Variants in LPP observed in about 807,000 individuals in gnomAD.
The protein encoded by LPP is LIM domain containing preferred translocation partner in lipoma.
LPP carries 38 observed loss-of-function variants against 60.4 expected under a neutral mutation model. That is an observed-to-expected ratio of 0.63 (90% CI 0.49 to 0.83). LPP has a LOEUF of 0.83. LPP is among the 40% of genes least tolerant of loss of function. LPP has a pLI of 0.00. For synonymous variants in LPP, 328 were observed against 290.8 expected, an observed-to-expected ratio of 1.13 and a Z score of -1.30; for missense variants, 902 against 783.6, an observed-to-expected ratio of 1.15 and a Z score of -1.80.
At chr3:188,250,712 T>TTCTTTCTTTCTC (rs1283248794) in intron 2 of LPP, among the ~76,000 whole-genome samples, 3 of 146,992 alleles carry the variant, frequency 2.0e-5, no homozygotes, top group African/African-American at 7.7e-5. Context: ...CCTCTTTCTT[T>TTCTTTCTTTCTC]TCTTTCTTTC....
intron 1 of LPP, among the ~76,000 whole-genome samples, chr3:188,190,311 G>A (rs1447862621): frequency 6.6e-6 from 1 of 151,986 alleles, no homozygotes; most frequent in Non-Finnish European, 1.5e-5. Flanking sequence ...CGCCCGCCTC[G>A]GCCTCCCAAA....
intron 3 of LPP, among the ~76,000 whole-genome samples, chr3:188,376,774 C>T (rs1243680173): frequency 2.6e-5 from 4 of 152,058 alleles, no homozygotes; most frequent in African/African-American, 9.7e-5. Flanking sequence ...ATTTTGCTCG[C>T]TAGTTGATGC....
At chr3:188,507,963 A>G (rs1442159078) in intron 5 of LPP, among the ~76,000 whole-genome samples, 1 of 152,234 alleles carries the variant, frequency 6.6e-6, no homozygotes, top group East Asian at 1.9e-4. Flanking sequence ...CTAAGGCTAT[A>G]TCATTAGGAC....
At chr3:188,757,997 GT>G (rs753198104) in intron 8 of LPP, among the ~76,000 whole-genome samples, 9 of 145,850 alleles carry the variant, frequency 6.2e-5, no homozygotes, top group Non-Finnish European at 1.2e-4. Context: ...ATAAAAACAG[GT>G]ACAAGTTCAG....
chr3:188,202,414 C>G (rs913702774), intron 1 of LPP, among the ~76,000 whole-genome samples: 1 of 152,046 alleles, frequency 6.6e-6, no homozygotes, highest in African/African-American at 2.4e-5. Context: ...TTGCTGACAC[C>G]GAAGAGAGAT....
rs114067668 is a variant in LPP, at chr3:188,459,842, G to C, written c.194-24750G>C. On this transcript the variant is annotated intron_variant, in intron 4 of 11. Transcript: ENST00000617246. The stretch of plus-strand genomic sequence containing the variant: ...AGCAATCTATATTGATTATTCATGG[G>C]GGGGGGTTCTTTGTTCTGAGATCAG... Among the ~76,000 whole-genome samples, 12 of 151,218 alleles carry C rather than the reference G, an allele frequency of 7.9e-5. No homozygotes were observed. The East Asian group carries it at 1.5e-3, about 19-fold the overall frequency.
At chr3:188,678,234 A>T (rs897738326) in intron 7 of LPP, among the ~76,000 whole-genome samples, 4 of 152,238 alleles carry the variant, frequency 2.6e-5, no homozygotes, top group Non-Finnish European at 4.4e-5. Context: ...TCAATTCTGA[A>T]TGAATGAGCA....
chr3:188,235,166 C>T (rs1721438527), intron 2 of LPP, among the ~76,000 whole-genome samples: 2 of 152,170 alleles, frequency 1.3e-5, no homozygotes, highest in East Asian at 3.9e-4. Context: ...GAGGAGAGAG[C>T]AGAGCAGGTG....
At chr3:188,276,147 C>T (rs1034110212) in intron 2 of LPP, among the ~76,000 whole-genome samples, 1 of 152,208 alleles carries the variant, frequency 6.6e-6, no homozygotes, top group Non-Finnish European at 1.5e-5. Context: ...CTGTCCTTTC[C>T]TCTATTCTTT....
intron 2 of LPP, among the ~76,000 whole-genome samples, chr3:188,264,268 T>A (rs2149714637): frequency 6.6e-6 from 1 of 151,728 alleles, no homozygotes; most frequent in African/African-American, 2.4e-5. Flanking sequence ...TGTGTGTGTG[T>A]GTGAGAGAGA....
At chr3:188,481,194 C>G (rs930863373) in intron 4 of LPP, among the ~76,000 whole-genome samples, 2 of 152,084 alleles carry the variant, frequency 1.3e-5, no homozygotes, top group African/African-American at 2.4e-5. Context: ...TAGTTTATGC[C>G]TCTCTCCAAG....
intron 2 of LPP, among the ~76,000 whole-genome samples, chr3:188,268,465 C>T (rs1003548643): frequency 6.6e-6 from 1 of 152,180 alleles, no homozygotes; most frequent in African/African-American, 2.4e-5. Flanking sequence ...AAGAAGGTGA[C>T]GGACAGAAAA....
intron 4 of LPP, among the ~76,000 whole-genome samples, chr3:188,441,424 G>A (rs1793799655): frequency 6.6e-6 from 1 of 151,862 alleles, no homozygotes; most frequent in African/African-American, 2.4e-5. Context: ...TAAAACTGCA[G>A]TGGATGTGCA....
chr3:188,571,454 T>G (rs1456344563), intron 6 of LPP, among the ~76,000 whole-genome samples: 1 of 152,002 alleles, frequency 6.6e-6, no homozygotes, highest in Admixed American at 6.6e-5. Flanking sequence ...CCTGAGGTCT[T>G]TCTACTTGTT....
chr3:188,154,708 T>A (rs1358404086), intron 1 of LPP, among the ~76,000 whole-genome samples: 1 of 152,226 alleles, frequency 6.6e-6, no homozygotes, highest in Non-Finnish European at 1.5e-5. Context: ...TTCAAATAGT[T>A]GGCTCCGGAC....
chr3:188,756,498 C>T (rs1322196322), intron 8 of LPP, among the ~76,000 whole-genome samples: 1 of 152,090 alleles, frequency 6.6e-6, no homozygotes, highest in Non-Finnish European at 1.5e-5. Flanking sequence ...AAAAGATGGG[C>T]CTTAAGATTG....
At chr3:188,371,641 A>ATATATATATATATTT (rs1553878071) in intron 3 of LPP, among the ~76,000 whole-genome samples, 1 of 32,172 alleles carries the variant, frequency 3.1e-5, no homozygotes, top group Non-Finnish European at 5.2e-5. Flanking sequence ...ATATATATAT[A>ATATATATATATATTT]TTTTTTTTTT....
intron 5 of LPP, among the ~76,000 whole-genome samples, chr3:188,499,470 T>G (rs1811199670): frequency 6.6e-6 from 1 of 152,230 alleles, no homozygotes; most frequent in African/African-American, 2.4e-5. Flanking sequence ...CTGTCTCTTA[T>G]GTGTTATTAT....
intron 4 of LPP, among the ~76,000 whole-genome samples, chr3:188,415,919 C>G (rs1256247475): frequency 3.9e-5 from 6 of 151,962 alleles, no homozygotes; most frequent in African/African-American, 1.5e-4. Context: ...TATGCACACA[C>G]AAATCAATGC....
Sources: gnomAD v4.1 joint callset for allele counts (sites outside exome capture counted in the v4.1 genomes callset) on GRCh38, gnomAD v4.1.1 for gene constraint, MANE v1.5 for transcripts, NCBI Gene and HGNC (gene_info 2026-07-23, HGNC 2026-07-21) for gene names.